The following GLG1 variants were observed in gnomAD, a reference collection of about 807,000 sequenced individuals.
GLG1 encodes the protein Golgi apparatus protein 1.
A neutral mutation model predicts 160.5 loss-of-function variants in GLG1; 38 were observed. The ratio of observed to expected loss-of-function variants is 0.24; its 90% CI spans 0.18 to 0.31. The LOEUF is 0.31. Ranked by LOEUF, GLG1 falls within the 10% of genes least tolerant of loss-of-function variation. The probability of loss-of-function intolerance (pLI) is 1.00; values close to 1 mark genes in which losing one functional copy is unlikely to be tolerated. For missense variants in GLG1, 1,373 were observed against 1,505.2 expected (o/e 0.91, Z 1.45); for synonymous variants, 644 against 543.4 (o/e 1.19, Z -2.57).
intron 2 of GLG1, among the ~76,000 whole-genome samples, chr16:74,521,793 G>T (rs2017173006): frequency 6.6e-6 from 1 of 152,168 alleles, no homozygotes; most frequent in South Asian, 2.1e-4. Context: ...GCAGTTCATG[G>T]AGCCATCTGG....
At chr16:74,563,322 C>T (rs900855753) in intron 1 of GLG1, 2 of 152,230 alleles carry the variant, frequency 1.3e-5, no homozygotes, top group African/African-American at 4.8e-5. Flanking sequence ...TTTTAACCTA[C>T]ATCAGAGGTG....
chr16:74,542,787 A>G (rs2017937547), intron 1 of GLG1, among the ~76,000 whole-genome samples: 1 of 143,886 alleles, frequency 6.9e-6, no homozygotes, highest in Non-Finnish European at 1.5e-5. Context: ...GGAAGGAAGG[A>G]AGGAAGGAAG....
intron 1 of GLG1, among the ~76,000 whole-genome samples, chr16:74,548,989 C>T (rs1306524465): frequency 1.3e-5 from 2 of 151,492 alleles, no homozygotes; most frequent in Non-Finnish European, 2.9e-5. Context: ...GAGACTCCAT[C>T]ACCAAAAAAA....
chr16:74,484,691 C>T (rs567638360), intron 9 of GLG1, among the ~76,000 whole-genome samples: 16 of 152,156 alleles, frequency 1.1e-4, no homozygotes, highest in South Asian at 1.0e-3. Flanking sequence ...AACTGGGATC[C>T]GGGAGGCAGA....
intron 1 of GLG1, among the ~76,000 whole-genome samples, chr16:74,583,214 C>A (rs1199624156): frequency 5.9e-5 from 9 of 152,104 alleles, no homozygotes; most frequent in African/African-American, 2.2e-4. Context: ...ATTTTCATAG[C>A]CCCAACTATA....
chr16:74,474,054 AG>A (rs1567466242), intron 13 of GLG1: 5 of 153,728 alleles, frequency 3.3e-5, no homozygotes, highest in Admixed American at 3.2e-4. Context: ...CCCGGGTTCA[AG>A]TGATTCTCCT....
chr16:74,574,466 T>G (rs1380344452), intron 1 of GLG1, among the ~76,000 whole-genome samples: 2 of 152,206 alleles, frequency 1.3e-5, no homozygotes, highest in Non-Finnish European at 2.9e-5. Context: ...TGACTAGCTA[T>G]GAAGGATGGT....
intron 3 of GLG1, among the ~76,000 whole-genome samples, chr16:74,505,017 A>C (rs2016545029): frequency 6.6e-6 from 1 of 152,238 alleles, no homozygotes; most frequent in South Asian, 2.1e-4. Context: ...TGACAAGAGG[A>C]AGGAGTTAAA....
intron 8 of GLG1, among the ~76,000 whole-genome samples, chr16:74,488,097 T>C (rs2015855675): frequency 1.3e-5 from 2 of 152,288 alleles, no homozygotes; most frequent in South Asian, 4.1e-4. Context: ...GAGTAAGTAC[T>C]GAACAAGATG....
chr16:74,587,961 T>C (rs1280657197), intron 1 of GLG1, among the ~76,000 whole-genome samples: 5 of 152,164 alleles, frequency 3.3e-5, no homozygotes, highest in Non-Finnish European at 4.4e-5. Context: ...CAAACGTCTA[T>C]AGGTGAAATA....
At position 74,542,497 on chromosome 16, in the gene GLG1, C is replaced by T. The variant is rs534927897; in HGVS notation, c.439-10344G>A. On this transcript the variant is annotated intron_variant, in intron 1 of 25. Coordinates refer to ENST00000422840, the MANE Select transcript of GLG1 (RefSeq NM_001145667.2). ...CAGCGTGGCCAACGTGGTGAAACCC[C>T]ATCTCTATTAAAAATACAAAAAAAT... 5.3e-5 allele frequency among the ~76,000 whole-genome samples: 8 copies of T among 151,894 alleles called. No individual in the cohort carries two copies. In the South Asian group the frequency reaches 1.5e-3, roughly 28 times the overall value.
chr16:74,542,700 G>A (rs1258965959), intron 1 of GLG1, among the ~76,000 whole-genome samples: 3 of 52,834 alleles, frequency 5.7e-5, no homozygotes, highest in African/African-American at 2.3e-4. Flanking sequence ...GAAGGAGGGA[G>A]GGAGGAAGGG....
At chr16:74,528,006 T>A (rs966574253) in intron 2 of GLG1, among the ~76,000 whole-genome samples, 1 of 149,584 alleles carries the variant, frequency 6.7e-6, no homozygotes, top group African/African-American at 2.5e-5. Flanking sequence ...TGCCTCAGCC[T>A]CCCGAGCAGC....
intron 1 of GLG1, among the ~76,000 whole-genome samples, chr16:74,553,590 A>G (rs1258983708): frequency 6.8e-6 from 1 of 147,610 alleles, no homozygotes; most frequent in Non-Finnish European, 1.5e-5. Flanking sequence ...CTCCTGCCTC[A>G]GCCTCCCGAG....
intron 8 of GLG1, among the ~76,000 whole-genome samples, chr16:74,490,450 A>G (rs1207775870): frequency 1.3e-5 from 2 of 152,264 alleles, no homozygotes; most frequent in Non-Finnish European, 2.9e-5. Flanking sequence ...TTCCATGCAT[A>G]GTTGCCCTAG....
chr16:74,511,424 G>A (rs1426694200), intron 2 of GLG1, among the ~76,000 whole-genome samples: 1 of 152,076 alleles, frequency 6.6e-6, no homozygotes, highest in Non-Finnish European at 1.5e-5. Flanking sequence ...GGCCAAGGTA[G>A]GTGGATAACC....
intron 1 of GLG1, among the ~76,000 whole-genome samples, chr16:74,606,249 C>G (rs906137986): frequency 1.3e-5 from 2 of 152,222 alleles, no homozygotes; most frequent in African/African-American, 4.8e-5. Context: ...AGCCTAAGTA[C>G]GCCAGGCATT....
intron 18 of GLG1, 95 bp downstream of exon 18, chr16:74,467,661 C>G (rs763681686): frequency 3.1e-5 from 26 of 835,768 alleles, no homozygotes; most frequent in Middle Eastern, 2.4e-4. Context: ...AAATTCATGA[C>G]TAAAATGTTA....
intron 2 of GLG1, among the ~76,000 whole-genome samples, chr16:74,513,995 C>A (rs1023838600): frequency 6.6e-6 from 1 of 151,984 alleles, no homozygotes; most frequent in African/African-American, 2.4e-5. Context: ...GTGAAGCATA[C>A]GTAAGCTTCA....
Sources: gnomAD v4.1 joint callset for allele counts (sites outside exome capture counted in the v4.1 genomes callset) on GRCh38, gnomAD v4.1.1 for gene constraint, MANE v1.5 for transcripts, NCBI Gene and HGNC (gene_info 2026-07-23, HGNC 2026-07-21) for gene names.